Variants in MEGF10 observed in about 807,000 individuals in gnomAD.
The protein encoded by MEGF10 is multiple epidermal growth factor-like domains protein 10.
MEGF10 carries 86 observed loss-of-function variants against 147.5 expected under a neutral mutation model. The observed-to-expected ratio is 0.58, with a 90% CI of 0.49 to 0.70. The LOEUF (loss-of-function observed/expected upper bound fraction) is 0.70. Ranked by LOEUF, MEGF10 falls within the 30% of genes least tolerant of loss-of-function variation. The probability of loss-of-function intolerance (pLI) is 0.00; values close to 1 mark genes in which losing one functional copy is unlikely to be tolerated. For synonymous variants in MEGF10, 478 were observed against 525.5 expected, an observed-to-expected ratio of 0.91 and a Z score of 1.24; for missense variants, 1,329 against 1,487.3, an observed-to-expected ratio of 0.89 and a Z score of 1.75.
intron 1 of MEGF10, among the ~76,000 whole-genome samples, chr5:127,322,268 C>T (rs935620847): frequency 6.6e-6 from 1 of 152,044 alleles, no homozygotes; most frequent in Non-Finnish European, 1.5e-5. Context: ...ATATTCATTG[C>T]CATTCCTGAT....
At chr5:127,417,110 C>T (rs1223457714) in intron 9 of MEGF10, among the ~76,000 whole-genome samples, 4 of 152,240 alleles carry the variant, frequency 2.6e-5, no homozygotes, top group Non-Finnish European at 4.4e-5. Context: ...TGCATCTCAG[C>T]GCAGCTGATA....
At chr5:127,352,265 T>C (rs1762112233) in intron 4 of MEGF10, among the ~76,000 whole-genome samples, 1 of 152,210 alleles carries the variant, frequency 6.6e-6, no homozygotes, top group Non-Finnish European at 1.5e-5. Flanking sequence ...CTTACATTTC[T>C]GCTGACCTAG....
intron 1 of MEGF10, among the ~76,000 whole-genome samples, chr5:127,320,384 C>T (rs1561569007): frequency 6.6e-6 from 1 of 152,190 alleles, no homozygotes. Context: ...TGGAAAATGA[C>T]ACTCGATTTC....
chr5:127,385,705 C>G (rs184263196), intron 5 of MEGF10, among the ~76,000 whole-genome samples: 37 of 152,322 alleles, frequency 2.4e-4, no homozygotes, highest in Non-Finnish European at 2.9e-5. Flanking sequence ...GATATGTTAT[C>G]CCACTGTAAG....
chr5:127,248,249 C>T, the MEGF10 span, among the ~76,000 whole-genome samples: 6 of 151,806 alleles, frequency 4.0e-5, no homozygotes, highest in African/African-American at 1.5e-4. Context: ...CTGGCCAGAA[C>T]AAAATATTAT....
intron 4 of MEGF10, among the ~76,000 whole-genome samples, chr5:127,345,870 C>T (rs549063586): frequency 6.6e-6 from 1 of 152,238 alleles, no homozygotes; most frequent in South Asian, 2.1e-4. Context: ...CCTTAAGTCC[C>T]CAAAGCCTAT....
At chr5:127,289,816 CTGGTAGGAGA>C (rs1211183990), upstream of MEGF10, among the ~76,000 whole-genome samples, 1 of 152,100 alleles carries the variant, frequency 6.6e-6, no homozygotes, top group African/African-American at 2.4e-5. Flanking sequence ...GAAGAGAAGC[CTGGTAGGAGA>C]TGGTTACCTG....
chr5:127,404,900 G>A (rs1035267316), intron 8 of MEGF10, among the ~76,000 whole-genome samples: 1 of 152,064 alleles, frequency 6.6e-6, no homozygotes, highest in African/African-American at 2.4e-5. Context: ...TATTTTAGTA[G>A]AGATGGGGTT....
intron 4 of MEGF10, among the ~76,000 whole-genome samples, chr5:127,351,680 C>T (rs1228776943): frequency 3.3e-5 from 5 of 152,176 alleles, no homozygotes; most frequent in Non-Finnish European, 5.9e-5. Context: ...TTCTGCTCCA[C>T]CATCTCTTTG....
At chr5:127,438,782 G>A (rs928212057) in intron 17 of MEGF10, among the ~76,000 whole-genome samples, 7 of 152,206 alleles carry the variant, frequency 4.6e-5, no homozygotes, top group African/African-American at 1.4e-4. Flanking sequence ...CACTGAGGTA[G>A]AGCAATGCTG....
At chr5:127,339,378 A>G (rs1278709269) in intron 3 of MEGF10, among the ~76,000 whole-genome samples, 157 bp downstream of exon 3, 3 of 152,148 alleles carry the variant, frequency 2.0e-5, no homozygotes, top group East Asian at 1.9e-4. Context: ...CAGGGGATGT[A>G]GAAAAGCAGA....
chr5:127,398,032 A>G (rs1481358852), intron 6 of MEGF10, among the ~76,000 whole-genome samples: 1 of 117,860 alleles, frequency 8.5e-6, no homozygotes, highest in African/African-American at 3.3e-5. Context: ...ACATGGACAC[A>G]GGGAGGGGAG....
the MEGF10 span, among the ~76,000 whole-genome samples, chr5:127,254,437 T>G: frequency 6.6e-6 from 1 of 152,184 alleles, no homozygotes; most frequent in African/African-American, 2.4e-5. Context: ...AAAGCTTTTT[T>G]TATGACAAAT....
intron 2 of MEGF10, among the ~76,000 whole-genome samples, chr5:127,335,378 C>A (rs753485276): frequency 3.3e-4 from 50 of 152,128 alleles, no homozygotes; most frequent in Non-Finnish European, 5.4e-4. Flanking sequence ...TCAGGAGCAG[C>A]TGCTGGTGAA....
chr5:127,418,849 T>C (rs1045649448), intron 10 of MEGF10, among the ~76,000 whole-genome samples: 5 of 152,234 alleles, frequency 3.3e-5, no homozygotes, highest in African/African-American at 4.8e-5. Context: ...TGTTGTTTTG[T>C]TTTAGTTCTG....
chr5:127,433,802 C>T (rs192569363), intron 14 of MEGF10, among the ~76,000 whole-genome samples: 2 of 152,342 alleles, frequency 1.3e-5, no homozygotes, highest in East Asian at 1.9e-4. Flanking sequence ...TTCCTGAAAG[C>T]TTTGGAATGG....
chr5:127,247,279 G>T, the MEGF10 span, among the ~76,000 whole-genome samples: 1 of 128,120 alleles, frequency 7.8e-6, no homozygotes, highest in African/African-American at 2.8e-5. Context: ...AAGTGTGTGT[G>T]TGGTTGGGGG....
At chr5:127,291,584 A>AG (rs1165739982) in intron 1 of MEGF10, among the ~76,000 whole-genome samples, 1 of 152,250 alleles carries the variant, frequency 6.6e-6, no homozygotes, top group African/African-American at 2.4e-5. Flanking sequence ...CTCAGCGATC[A>AG]GTAGGGGTGT....
At chr5:127,285,552 TAGTA>T in the MEGF10 span, among the ~76,000 whole-genome samples, 15 of 152,002 alleles carry the variant, frequency 9.9e-5, no homozygotes, top group African/African-American at 3.6e-4. Flanking sequence ...TAGTAAAAAT[TAGTA>T]AGGAAATAGA....
Sources: gnomAD v4.1 joint callset for allele counts (sites outside exome capture counted in the v4.1 genomes callset) on GRCh38, gnomAD v4.1.1 for gene constraint, MANE v1.5 for transcripts, NCBI Gene and HGNC (gene_info 2026-07-23, HGNC 2026-07-21) for gene names.